Variants in ATP8A1 observed in about 807,000 individuals in gnomAD.
The protein encoded by ATP8A1 is phospholipid-transporting ATPase IA.
A neutral mutation model predicts 177.7 loss-of-function variants in ATP8A1; 90 were observed. That is an observed-to-expected ratio of 0.51 (90% CI 0.43 to 0.60). The LOEUF (loss-of-function observed/expected upper bound fraction) is 0.60, where lower values mean the gene tolerates loss of function less well. Among genes scored for constraint, ATP8A1 ranks in the 20% least tolerant of loss-of-function variants. The probability of loss-of-function intolerance (pLI) is 0.00; values close to 1 mark genes in which losing one functional copy is unlikely to be tolerated. For missense variants in ATP8A1, 1,072 were observed against 1,392.8 expected (o/e 0.77, Z 3.67); for synonymous variants, 493 against 485.9 (o/e 1.01, Z -0.19).
At chr4:42,655,098 G>C (rs1741486895) in intron 1 of ATP8A1, among the ~76,000 whole-genome samples, 1 of 152,216 alleles carries the variant, frequency 6.6e-6, no homozygotes, top group East Asian at 1.9e-4. Flanking sequence ...CACTGTGCTG[G>C]ACGCACAGGG....
At chr4:42,472,521 G>A (rs977977270) in intron 25 of ATP8A1, 1 of 253,106 alleles carries the variant, frequency 4.0e-6, no homozygotes. Flanking sequence ...AGCCGAGGTG[G>A]GCGGATCACG....
intron 6 of ATP8A1, chr4:42,594,187 A>T (rs1734486163): frequency 1.6e-6 from 1 of 643,486 alleles, no homozygotes; most frequent in Non-Finnish European, 2.6e-6. Flanking sequence ...GAGAGGTTTT[A>T]AATTCTTCGT....
At chr4:42,520,337 A>G (rs1019839420) in intron 22 of ATP8A1, among the ~76,000 whole-genome samples, 2 of 152,070 alleles carry the variant, frequency 1.3e-5, no homozygotes, top group Admixed American at 1.3e-4. Flanking sequence ...GACAGGAAAA[A>G]CATCATTTCC....
intron 22 of ATP8A1, among the ~76,000 whole-genome samples, chr4:42,519,294 A>T (rs1039088932): frequency 6.6e-6 from 1 of 151,786 alleles, no homozygotes; most frequent in Non-Finnish European, 1.5e-5. Flanking sequence ...GTCTCCCCCT[A>T]TGTTCCCCCA....
chr4:42,573,658 AG>A (rs1439491971), intron 14 of ATP8A1, among the ~76,000 whole-genome samples: 2 of 152,206 alleles, frequency 1.3e-5, no homozygotes, highest in Admixed American at 6.5e-5. Flanking sequence ...GCAAAGAACA[AG>A]GATATCTAGG....
chr4:42,611,381 A>G (rs992627153), intron 5 of ATP8A1, among the ~76,000 whole-genome samples: 1 of 152,206 alleles, frequency 6.6e-6, no homozygotes. Flanking sequence ...GTATCATAAT[A>G]AAATAGGGTA....
At chr4:42,631,972 C>T (rs1208878488) in intron 1 of ATP8A1, among the ~76,000 whole-genome samples, 2 of 152,148 alleles carry the variant, frequency 1.3e-5, no homozygotes, top group Non-Finnish European at 1.5e-5. Flanking sequence ...CTCACATTTT[C>T]GATTCTCCAA....
intron 1 of ATP8A1, among the ~76,000 whole-genome samples, chr4:42,655,352 A>G (rs561674188): frequency 4.1e-4 from 63 of 152,312 alleles, no homozygotes; most frequent in South Asian, 3.1e-3. Context: ...GCAGCCCTGT[A>G]ATCCCCTCAC....
Position 42,464,516 on chromosome 4 carries a change from C to T in ATP8A1, c.2619+174G>A, listed in dbSNP as rs111818086. On this transcript the variant is annotated intron_variant, in intron 27 of 36. Transcript: ENST00000381668. ...CCGACCTCAAGTGATCCGCCTATCT[C>T]GGCCTCCCAGAGTGCTGGGATTACA... 9.4e-3 allele frequency among the ~76,000 whole-genome samples: 1,436 copies of T among 152,250 alleles called. 11 individuals carry two copies. Among genetic ancestry groups the T allele is most frequent in the African/African-American group, 0.031 (1,294 of 41,534 alleles).
chr4:42,456,464 G>A (rs1387135111), intron 27 of ATP8A1, among the ~76,000 whole-genome samples: 1 of 151,942 alleles, frequency 6.6e-6, no homozygotes, highest in Non-Finnish European at 1.5e-5. Context: ...CTTGACTAGA[G>A]CATAATGTTC....
At chr4:42,554,298 A>C (rs1318013160) in intron 16 of ATP8A1, among the ~76,000 whole-genome samples, 1 of 152,158 alleles carries the variant, frequency 6.6e-6, no homozygotes, top group Non-Finnish European at 1.5e-5. Flanking sequence ...AGATTCTAGC[A>C]ATCAGTGCCA....
At position 42,607,458 on chromosome 4, in the gene ATP8A1, C is replaced by T. The variant is rs376029273; in HGVS notation, c.410-6940G>A. ...CTTAGAACAATGAAAATAAACACCA[C>T]CACATGTATTATGCTGGTGACTGAA... On this transcript the variant is annotated intron_variant, in intron 5 of 36. Transcript: ENST00000381668. Among the ~76,000 whole-genome samples the T allele has an allele frequency of 2.6e-5, 4 of 152,280 alleles. No individual in the cohort carries two copies. In the East Asian group the frequency reaches 5.8e-4, roughly 22 times the overall value.
intron 1 of ATP8A1, among the ~76,000 whole-genome samples, chr4:42,643,542 T>A (rs1740219097): frequency 1.3e-5 from 2 of 152,154 alleles, no homozygotes; most frequent in African/African-American, 4.8e-5. Flanking sequence ...GTTGGATCTA[T>A]CTTCTAGTTA....
chr4:42,422,096 AT>A (rs540647335), intron 35 of ATP8A1, among the ~76,000 whole-genome samples: 3 of 150,990 alleles, frequency 2.0e-5, no homozygotes, highest in African/African-American at 4.9e-5. Flanking sequence ...ATTACATACT[AT>A]TTTTTTTTCT....
chr4:42,627,026 G>C lies in ATP8A1; in HGVS notation c.133C>G (p.Gln45Glu). Residue 45 changes from glutamine to glutamate, a missense_variant, in exon 2 of 37, where the codon CAG (glutamine) becomes GAG (glutamate). Around this residue, in one of 5 missense-constraint regions of ATP8A1, gnomAD observed 344 missense variants for 393.5 expected, o/e 0.87. Transcript: ENST00000381668. Reference sequence around the variant, plus strand: ...TGGTTATTGCAGAATTTTGTCAGCTGGGGCTGGTTGATGAAAATAGTCCTT... The same window carrying C: ...TGGTTATTGCAGAATTTTGTCAGCTCGGGCTGGTTGATGAAAATAGTCCTT... ...EVRTIFINQP[Q>E]LTKFCNNHVS... The C allele has an allele frequency of 6.2e-7, 1 of 1,614,016 alleles. No individual in the cohort carries two copies. Among genetic ancestry groups the C allele is most frequent in the Non-Finnish European group, 8.5e-7 (1 of 1,179,922 alleles).
At chr4:42,635,782 C>CACACATATAT (rs1553920597) in intron 1 of ATP8A1, among the ~76,000 whole-genome samples, 1 of 51,990 alleles carries the variant, frequency 1.9e-5, no homozygotes, top group African/African-American at 6.2e-5. Flanking sequence ...CACACACACA[C>CACACATATAT]ATATATATAT....
chr4:42,472,839 T>C (rs1720600468), intron 25 of ATP8A1, among the ~76,000 whole-genome samples: 1 of 151,816 alleles, frequency 6.6e-6, no homozygotes. Context: ...AAAGTATGTT[T>C]TATATATATC....
chr4:42,465,196 T>C (rs974146306), intron 25 of ATP8A1, 120 bp from the exon 26 acceptor site: 5 of 873,546 alleles, frequency 5.7e-6, no homozygotes, highest in Non-Finnish European at 8.7e-6. Context: ...AGAAACCTTA[T>C]GATAAAGTTT....
At chr4:42,609,286 T>C (rs897224369) in intron 5 of ATP8A1, among the ~76,000 whole-genome samples, 25 of 152,244 alleles carry the variant, frequency 1.6e-4, no homozygotes, top group African/African-American at 5.1e-4. Context: ...AATCTGTGTT[T>C]TAACAAATGC....
Sources: allele counts gnomAD v4.1 joint callset (sites outside exome capture counted in the v4.1 genomes callset), GRCh38; gene constraint gnomAD v4.1.1; regional missense constraint gnomAD v4.1.1; transcripts MANE v1.5; gene names NCBI Gene and HGNC (gene_info 2026-07-23, HGNC 2026-07-21).